The following PKP2 variants were observed in gnomAD, a reference collection of about 807,000 sequenced individuals.
PKP2 encodes plakophilin 2.
Under a neutral mutation model 83.4 loss-of-function variants are expected in PKP2, and 73 were observed. That is an observed-to-expected ratio of 0.88 (90% CI 0.72 to 1.06). The LOEUF is 1.06. PKP2 is among the 50% of genes least tolerant of loss of function. The pLI is 0.00. For missense variants in PKP2, 966 were observed against 1,065.4 expected, an observed-to-expected ratio of 0.91 and a Z score of 1.30; for synonymous variants, 409 against 430.4, an observed-to-expected ratio of 0.95 and a Z score of 0.62.
chr12:32,853,192 T>C (rs1245829745), intron 4 of PKP2, among the ~76,000 whole-genome samples: 1 of 152,192 alleles, frequency 6.6e-6, no homozygotes, highest in Non-Finnish European at 1.5e-5. Flanking sequence ...ATCTGAAATC[T>C]GAAATACTTC....
chr12:32,845,537 G>A (rs1956637058), intron 5 of PKP2, among the ~76,000 whole-genome samples: 1 of 152,146 alleles, frequency 6.6e-6, no homozygotes, highest in East Asian at 1.9e-4. Flanking sequence ...CGGCAACAGA[G>A]CGAGACTCCG....
At chr12:32,887,818 T>C (rs1228004656) in intron 1 of PKP2, among the ~76,000 whole-genome samples, 3 of 152,242 alleles carry the variant, frequency 2.0e-5, no homozygotes, top group African/African-American at 7.2e-5. Flanking sequence ...TAGAATTTGT[T>C]ATTATAAACT....
At chr12:32,821,625 G>A in intron 8 of PKP2, 96 bp from the exon 9 acceptor site, 1 of 1,241,582 alleles carries the variant, frequency 8.1e-7, no homozygotes, top group African/African-American at 1.5e-5. Context: ...TGTCTAGAAA[G>A]GCTCATAATT....
At position 32,882,145 on chromosome 12, in the gene PKP2, A is replaced by G. The variant is rs185923553; in HGVS notation, c.224-3113T>C. 2.6e-5 allele frequency among the ~76,000 whole-genome samples: 4 copies of G among 152,324 alleles called. No individual in the cohort carries two copies. In the East Asian group the frequency reaches 5.8e-4, roughly 22 times the overall value. Reference sequence around the variant, plus strand: ...CAGAACATTATTAGTTAGCTGATACATAAGAAATCCAATTTACTGTCTTTA... The same window carrying G: ...CAGAACATTATTAGTTAGCTGATACGTAAGAAATCCAATTTACTGTCTTTA... On this transcript the variant is annotated intron_variant, in intron 1 of 12. Transcript: ENST00000340811.
chr12:32,792,849 T>C (rs1156788938), intron 11 of PKP2, 118 bp from the exon 12 acceptor site: 4 of 789,388 alleles, frequency 5.1e-6, no homozygotes, highest in Non-Finnish European at 9.0e-6. Flanking sequence ...CAGCCATCCA[T>C]GAAGTCAGGC....
At chr12:32,871,609 G>C (rs1387438459) in intron 3 of PKP2, among the ~76,000 whole-genome samples, 2 of 152,012 alleles carry the variant, frequency 1.3e-5, no homozygotes, top group Non-Finnish European at 2.9e-5. Flanking sequence ...GGGATTACAA[G>C]CACCCACCAC....
At chr12:32,823,563 A>G (rs915411678) in intron 7 of PKP2, among the ~76,000 whole-genome samples, 19 of 152,140 alleles carry the variant, frequency 1.2e-4, no homozygotes, top group African/African-American at 4.6e-4. Flanking sequence ...ACAGACAGAC[A>G]TTGGAGCCTG....
At position 32,878,150 on chromosome 12, in the gene PKP2, G is replaced by C. The variant is rs756376477; in HGVS notation, c.730C>G (p.Pro244Ala). Residue 244 changes from proline (P) to alanine (A), a missense_variant, in exon 3 of 13, where the codon CCC becomes GCC. Coordinates refer to ENST00000340811, the MANE Select transcript of PKP2 (RefSeq NM_001005242.3). ...IPANPALLTY[P>A]RPGTSRSMGN... ...ATGCTGCGGCTGGTCCCTGGCCTGGGGTACGTGAGCAGGGCCGGGTTGGCA... is the reference window on the plus strand; with the variant it reads ...ATGCTGCGGCTGGTCCCTGGCCTGGCGTACGTGAGCAGGGCCGGGTTGGCA... 2.4e-5 allele frequency: 38 copies of C among 1,614,242 alleles called. No individual in the cohort carries two copies. The Admixed American group carries it at 5.3e-4, about 23-fold the overall frequency.
intron 5 of PKP2, among the ~76,000 whole-genome samples, chr12:32,849,629 A>T (rs1389454406): frequency 6.6e-6 from 1 of 152,196 alleles, no homozygotes; most frequent in East Asian, 1.9e-4. Flanking sequence ...CTTTTATCAT[A>T]CGACTGTTCA....
Position 32,878,934 on chromosome 12 carries a change from A to G in PKP2, c.322T>C (p.Tyr108His), listed in dbSNP as rs1565599770. ...VGGRSPVPKTYDMLKAGTTAT... is the reference protein window; with the variant it reads ...VGGRSPVPKTHDMLKAGTTAT... The stretch of plus-strand genomic sequence containing the variant: ...TGATATCCTACCTTTAGCATGTCAT[A>G]GGTTTTAGGAACAGGGGAACGGCCT... Residue 108 changes from tyrosine to histidine, a missense_variant, in exon 2 of 13, where the codon TAT (tyrosine) becomes CAT (histidine). Coordinates refer to ENST00000340811, the MANE Select transcript of PKP2 (RefSeq NM_001005242.3). 1.3e-6 allele frequency: 2 copies of G among 1,567,968 alleles called. No homozygotes were observed.
chr12:32,889,326 A>G (rs898494074), intron 1 of PKP2, among the ~76,000 whole-genome samples: 1 of 152,246 alleles, frequency 6.6e-6, no homozygotes, highest in African/African-American at 2.4e-5. Context: ...AGATAACAGT[A>G]AGAAACTGAA....
chr12:32,881,680 G>C (rs1445596778), intron 1 of PKP2, among the ~76,000 whole-genome samples: 3 of 152,128 alleles, frequency 2.0e-5, no homozygotes, highest in Non-Finnish European at 4.4e-5. Context: ...TTCAGACGGA[G>C]TTTCGCTCTT....
chr12:32,855,773 C>CAAAAAGAAAAAAAAAA (rs1956741952), intron 4 of PKP2, among the ~76,000 whole-genome samples: 1 of 46,864 alleles, frequency 2.1e-5, no homozygotes, highest in African/African-American at 1.1e-4. Flanking sequence ...GACTCCATCT[C>CAAAAAGAAAAAAAAAA]AAAAAAAAAA....
At chr12:32,805,448 A>T (rs986941147) in intron 9 of PKP2, among the ~76,000 whole-genome samples, 1 of 152,170 alleles carries the variant, frequency 6.6e-6, no homozygotes, top group Non-Finnish European at 1.5e-5. Context: ...TTTTACATTT[A>T]AGTCTTTAAT....
rs1956588629 is a variant in PKP2, at chr12:32,841,189, C to A, written c.1395G>T (p.Leu465Phe). ...GATTCTTGAGTTTGTCATTAGATGA[C>A]AAATTCCACAGCAAACCTAGAAAAG... ...KKQITGLLWNLSSNDKLKNLM... is the reference protein window; with the variant it reads ...KKQITGLLWNFSSNDKLKNLM... The change falls in exon 6 of 13, where the codon TTG becomes TTT. Residue 465 changes from leucine (L) to phenylalanine (F), a missense_variant. Coordinates refer to ENST00000340811, the MANE Select transcript of PKP2 (RefSeq NM_001005242.3). 2 of 1,613,326 alleles carry A rather than the reference C, an allele frequency of 1.2e-6. No homozygotes were observed. Among genetic ancestry groups the A allele is most frequent in the Non-Finnish European group, 1.7e-6 (2 of 1,179,502 alleles).
In PKP2 at chr12:32,809,171, T is replaced by C. The variant is rs547128861; in HGVS notation, c.2014-6615A>G. On this transcript the variant is annotated intron_variant, in intron 9 of 12. Transcript: ENST00000340811. Reference sequence around the variant, plus strand: ...GGCAGCCTCCCCTCCTTCTGGGAGCTGCATCCCAGGGAGAGATCAGAGCTC... The same window carrying C: ...GGCAGCCTCCCCTCCTTCTGGGAGCCGCATCCCAGGGAGAGATCAGAGCTC... Among the ~76,000 whole-genome samples, 3 of 152,184 alleles carry C rather than the reference T, an allele frequency of 2.0e-5. No individual in the cohort carries two copies. In the East Asian group the frequency reaches 5.8e-4, roughly 30 times the overall value.
rs187618849 is a variant in PKP2 at position 32,791,178 on chromosome 12, G to C, written c.*1246C>G. The C allele has an allele frequency of 6.6e-6, 1 of 151,656 alleles. No individual in the cohort carries two copies. Among genetic ancestry groups the C allele is most frequent in the African/African-American group, 2.4e-5 (1 of 41,254 alleles). The allele number at this position is 151,656 out of a possible 1,614,324, so 9.4% of individuals were successfully genotyped here. ...CTATATGAATGGTTTTAATCATAGC[G>C]CAGTTAAAACAACATTTAATGTAGA... On this transcript the variant is annotated 3_prime_UTR_variant, in exon 13 of 13. Transcript: ENST00000340811.
At chr12:32,859,646 G>T (rs755958743) in intron 4 of PKP2, among the ~76,000 whole-genome samples, 6 of 152,054 alleles carry the variant, frequency 3.9e-5, no homozygotes, top group Non-Finnish European at 7.4e-5. Flanking sequence ...AGCACAGATG[G>T]GGTTTCACCA....
intron 1 of PKP2, among the ~76,000 whole-genome samples, chr12:32,882,924 C>T (rs1956998806): frequency 6.6e-6 from 1 of 152,062 alleles, no homozygotes; most frequent in South Asian, 2.1e-4. Context: ...TTATCAAGGC[C>T]TTAGAGGGAT....
Sources: gnomAD v4.1 joint callset for allele counts (sites outside exome capture counted in the v4.1 genomes callset) on GRCh38, gnomAD v4.1.1 for gene constraint, MANE v1.5 for transcripts, NCBI Gene and HGNC (gene_info 2026-07-23, HGNC 2026-07-21) for gene names.